The following SMAD2 variants were observed in gnomAD, a reference collection of about 807,000 sequenced individuals.
The protein encoded by SMAD2 is MAD homolog 2.
SMAD2 carries 8 observed loss-of-function variants against 64.4 expected under a neutral mutation model. The ratio of observed to expected loss-of-function variants is 0.12; its 90% CI spans 0.07 to 0.22. SMAD2 has a LOEUF of 0.22. Among genes scored for constraint, SMAD2 ranks in the 10% least tolerant of loss-of-function variants. The probability of loss-of-function intolerance (pLI) is 1.00; values close to 1 mark genes in which losing one functional copy is unlikely to be tolerated. For missense variants in SMAD2, 289 were observed against 561.2 expected (o/e 0.51, Z 4.90); for synonymous variants, 203 against 195.8 (o/e 1.04, Z -0.31).
At chr18:47,854,646 T>C (rs546518522) in intron 6 of SMAD2, among the ~76,000 whole-genome samples, 1 of 152,204 alleles carries the variant, frequency 6.6e-6, no homozygotes, top group African/African-American at 2.4e-5. Flanking sequence ...CCAGGTTTTT[T>C]TTTAAAAAAA....
In SMAD2 at chr18:47,836,559, T is replaced by C. The variant is rs916999682; in HGVS notation, c.*5268A>G. ...ATCTGAGATTTAAACAATGGAACAATTGTTTTAACTGTTAGAATGACCCCA... is the reference window on the plus strand; with the variant it reads ...ATCTGAGATTTAAACAATGGAACAACTGTTTTAACTGTTAGAATGACCCCA... On this transcript the variant is annotated 3_prime_UTR_variant, in exon 11 of 11. Transcript: ENST00000262160. The C allele has an allele frequency of 9.2e-6, 2 of 217,344 alleles. No homozygotes were observed. The allele number at this position is 217,344 out of a possible 1,614,324, so 13.5% of individuals were successfully genotyped here. A position where few individuals can be genotyped will look rare whatever the true frequency, so the allele number is the denominator to read the frequency against.
chr18:47,880,924 GCT>G (rs1269024852), intron 2 of SMAD2, among the ~76,000 whole-genome samples: 2 of 152,072 alleles, frequency 1.3e-5, no homozygotes, highest in Non-Finnish European at 2.9e-5. Flanking sequence ...AGAATCCAGG[GCT>G]CTCTTTCTGA....
At position 47,877,983 on chromosome 18, in the gene SMAD2, C is replaced by A. The variant is rs1360493861; in HGVS notation, c.237-7419G>T. 2.0e-5 allele frequency among the ~76,000 whole-genome samples: 3 copies of A among 152,156 alleles called. No individual in the cohort carries two copies. The South Asian group carries it at 6.2e-4, about 32-fold the overall frequency. ...TAACAGGGTCCTTAACTGGCTTAAA[C>A]CTTCACTCTGTGTAGAAAATGTTTT... On this transcript the variant is annotated intron_variant, in intron 2 of 10. Coordinates refer to ENST00000262160, the MANE Select transcript of SMAD2 (RefSeq NM_005901.6).
intron 2 of SMAD2, among the ~76,000 whole-genome samples, chr18:47,878,092 A>C (rs1480708936): frequency 6.6e-6 from 1 of 152,176 alleles, no homozygotes; most frequent in African/African-American, 2.4e-5. Context: ...TCAGGGTTTC[A>C]TTCTAAGTTT....
chr18:47,870,083 GTTCA>G (rs1364833509), intron 3 of SMAD2, among the ~76,000 whole-genome samples: 1 of 117,754 alleles, frequency 8.5e-6, no homozygotes, highest in African/African-American at 3.0e-5. Context: ...GATATAAGGG[GTTCA>G]TTAAGTATGT....
intron 2 of SMAD2, among the ~76,000 whole-genome samples, chr18:47,886,570 C>CATGTATCT (rs1555655791): frequency 6.8e-6 from 1 of 146,704 alleles, no homozygotes; most frequent in African/African-American, 2.6e-5. Context: ...TATATCTATC[C>CATGTATCT]ATCTATCTAT....
At chr18:47,884,177 G>GTAATATAA (rs2032762648) in intron 2 of SMAD2, among the ~76,000 whole-genome samples, 2 of 152,104 alleles carry the variant, frequency 1.3e-5, no homozygotes, top group East Asian at 3.9e-4. Flanking sequence ...ATGCCCTCTT[G>GTAATATAA]GTGCATGTAA....
rs35189746 is a variant in SMAD2, at chr18:47,854,088, T to TA, written c.731-2762dup. ...TAAGCTAACAATTAATAGAAGCCTTTAAAAAAAAAAAAACCAGAGGCAACG... is the reference window on the plus strand; with the variant it reads ...TAAGCTAACAATTAATAGAAGCCTTTAAAAAAAAAAAAAACCAGAGGCAACG... On this transcript the variant is annotated intron_variant, in intron 6 of 10. Transcript: ENST00000262160. 4.5e-3 allele frequency among the ~76,000 whole-genome samples: 663 copies of TA among 146,042 alleles called. 2 individuals are homozygous for TA. The highest frequency in any genetic ancestry group is 0.014 in the Middle Eastern group (4 of 278).
At chr18:47,867,670 A>T (rs77561450) in intron 5 of SMAD2, among the ~76,000 whole-genome samples, 3 of 151,418 alleles carry the variant, frequency 2.0e-5, no homozygotes, top group African/African-American at 2.4e-5. Context: ...AAAAAAAAAA[A>T]AGAAACCATA....
At chr18:47,842,563 G>C (rs1157182060) in intron 10 of SMAD2, among the ~76,000 whole-genome samples, 1 of 151,990 alleles carries the variant, frequency 6.6e-6, no homozygotes, top group South Asian at 2.1e-4. Flanking sequence ...AAAAAAATCA[G>C]GCCAAAAGGA....
intron 1 of SMAD2, among the ~76,000 whole-genome samples, chr18:47,929,083 C>T (rs996965409): frequency 6.6e-6 from 1 of 152,182 alleles, no homozygotes; most frequent in Non-Finnish European, 1.5e-5. Context: ...TATGGGTTTT[C>T]CGAAGGCAAA....
At chr18:47,895,621 T>C (rs2033403999) in intron 2 of SMAD2, 2 of 152,156 alleles carry the variant, frequency 1.3e-5, no homozygotes, top group South Asian at 4.1e-4. Flanking sequence ...CTTTAAGATA[T>C]ACATAAAACA....
At position 47,814,919 on chromosome 18, in the gene SMAD2, G is replaced by C. The variant is rs1314076340; in HGVS notation, c.*26908C>G. 6.6e-6 allele frequency: 1 copy of C among 152,368 alleles called. No individual in the cohort carries two copies. The highest frequency in any genetic ancestry group is 1.5e-5 in the Non-Finnish European group (1 of 68,170). 9.4% of individuals were successfully genotyped at this position (152,368 alleles called of 1,614,324 possible). On this transcript the variant is annotated 3_prime_UTR_variant, in exon 11 of 11. Coordinates refer to ENST00000262160, the MANE Select transcript of SMAD2 (RefSeq NM_005901.6). ...TAGAGACCTTGAGACCAAAGGCAAT[G>C]ACAGAGTTGTGGTCAGGAGCAGGGC...
In SMAD2 at chr18:47,912,990, G is replaced by A. The variant is rs1049686193; in HGVS notation, c.-53-16181C>T. 2.0e-5 allele frequency among the ~76,000 whole-genome samples: 3 copies of A among 151,576 alleles called. 1 individual carries two copies. In the Middle Eastern group the frequency reaches 0.01, roughly 519 times the overall value. On this transcript the variant is annotated intron_variant, in intron 1 of 10. Coordinates refer to ENST00000262160, the MANE Select transcript of SMAD2 (RefSeq NM_005901.6). ...GTTGGAGTGCAATGGCGTGACCTCA[G>A]CTCACTGCAACCTCCACCTCCCAGG...
chr18:47,897,256 TAC>T (rs2033478941), intron 1 of SMAD2, among the ~76,000 whole-genome samples: 1 of 152,202 alleles, frequency 6.6e-6, no homozygotes, highest in African/African-American at 2.4e-5. Context: ...AGGCAAAATC[TAC>T]AGTTACAAGA....
rs1913885666 is a variant in SMAD2 at position 47,840,957 on chromosome 18, C to A, written c.*870G>T. 4.3e-6 allele frequency: 1 copy of A among 232,324 alleles called. No homozygotes were observed. The highest frequency in any genetic ancestry group is 5.6e-5 in the Admixed American group (1 of 17,746). 14.4% of individuals were successfully genotyped at this position (232,324 alleles called of 1,614,324 possible). ...TTCCTGTTGAAATTTGGGCATAAGA[C>A]AAAGGGACTTTCTCCATATGAATTC... On this transcript the variant is annotated 3_prime_UTR_variant, in exon 11 of 11. Coordinates refer to ENST00000262160, the MANE Select transcript of SMAD2 (RefSeq NM_005901.6).
chr18:47,820,940 C>CACACAA lies in SMAD2; in HGVS notation c.*20886_*20887insTTGTGT, dbSNP rs1401161515. On this transcript the variant is annotated 3_prime_UTR_variant, in exon 11 of 11. Transcript: ENST00000262160. ...ACACACACACACACACACACACACA[C>CACACAA]AAAATTTGGTCCCCAATGTTAGAAC... 7.3e-6 allele frequency: 1 copy of CACACAA among 136,070 alleles called. No homozygotes were observed. The highest frequency in any genetic ancestry group is 1.6e-5 in the Non-Finnish European group (1 of 61,542). The allele number at this position is 136,070 out of a possible 1,614,324, so 8.4% of individuals were successfully genotyped here. A position where few individuals can be genotyped will look rare whatever the true frequency, so the allele number is the denominator to read the frequency against.
intron 6 of SMAD2, among the ~76,000 whole-genome samples, chr18:47,852,337 A>G (rs1458635597): frequency 6.6e-6 from 1 of 152,196 alleles, no homozygotes; most frequent in Non-Finnish European, 1.5e-5. Context: ...ACTTTGGGAT[A>G]AAACAGTGAT....
Position 47,813,092 on chromosome 18 carries a change from T to A in SMAD2, c.*28735A>T, listed in dbSNP as rs1912254673. The A allele has an allele frequency of 1.3e-5, 2 of 151,866 alleles. No homozygotes were observed. Among genetic ancestry groups the A allele is most frequent in the South Asian group, 4.2e-4 (2 of 4,750 alleles). 9.4% of individuals were successfully genotyped at this position (151,866 alleles called of 1,614,324 possible). A position where few individuals can be genotyped will look rare whatever the true frequency, so the allele number is the denominator to read the frequency against. On this transcript the variant is annotated 3_prime_UTR_variant, in exon 11 of 11. Coordinates refer to ENST00000262160, the MANE Select transcript of SMAD2 (RefSeq NM_005901.6). ...TTAGCCAGGTGTGGTGGCGGGCACC[T>A]GCAATCCCAGCTACTCAAGAGGCTG...
Sources: allele counts gnomAD v4.1 joint callset (sites outside exome capture counted in the v4.1 genomes callset), GRCh38; gene constraint gnomAD v4.1.1; transcripts MANE v1.5; gene names NCBI Gene and HGNC (gene_info 2026-07-23, HGNC 2026-07-21).